The following DCC variants were observed in gnomAD, a reference collection of about 807,000 sequenced individuals.
The protein encoded by DCC is DCC netrin 1 receptor.
In DCC, 58 loss-of-function variants were observed where a neutral mutation model predicts 172.5. The ratio of observed to expected loss-of-function variants is 0.34; its 90% CI spans 0.27 to 0.42. The LOEUF is 0.42. Among genes scored for constraint, DCC ranks in the 10% least tolerant of loss-of-function variants. The pLI is 1.00. For missense variants in DCC, 1,740 were observed against 1,791.0 expected, an observed-to-expected ratio of 0.97 and a Z score of 0.51; for synonymous variants, 709 against 644.5, an observed-to-expected ratio of 1.10 and a Z score of -1.52.
rs138387467 is a variant in DCC at position 52,643,816 on chromosome 18, C to T, written c.92-108238C>T. Among the ~76,000 whole-genome samples the T allele has an allele frequency of 2.4e-4, 36 of 152,296 alleles. No individual in the cohort carries two copies. In the East Asian group the frequency reaches 6.6e-3, roughly 28 times the overall value. ...TGTAGGCAAAGAGGAGAAGAAGAAG[C>T]CCTCCTTGCCAGGATAAAATGACCA... On this transcript the variant is annotated intron_variant, in intron 1 of 28. Transcript: ENST00000442544.
intron 1 of DCC, among the ~76,000 whole-genome samples, chr18:52,575,366 C>G (rs559100552): frequency 3.2e-4 from 49 of 152,160 alleles, no homozygotes; most frequent in African/African-American, 1.2e-3. Flanking sequence ...GATAGAGGTG[C>G]GTTATACTCA....
chr18:52,415,401 A>G (rs1031670558), intron 1 of DCC, among the ~76,000 whole-genome samples: 3 of 152,342 alleles, frequency 2.0e-5, no homozygotes, highest in African/African-American at 7.2e-5. Context: ...CATGAAGTAC[A>G]AAAAGCCAAT....
chr18:52,855,247 T>C (rs1043362638), intron 2 of DCC, among the ~76,000 whole-genome samples: 2 of 152,206 alleles, frequency 1.3e-5, no homozygotes, highest in African/African-American at 4.8e-5. Flanking sequence ...TTTTCATTTC[T>C]ACTTAGAGCA....
intron 7 of DCC, among the ~76,000 whole-genome samples, chr18:53,153,532 C>T (rs111464480): frequency 6.6e-6 from 1 of 151,894 alleles, no homozygotes; most frequent in Non-Finnish European, 1.5e-5. Context: ...AAGTGGTCTC[C>T]GATAGAATTT....
At chr18:53,411,786 A>G in intron 20 of DCC, among the ~76,000 whole-genome samples, 1 of 152,184 alleles carries the variant, frequency 6.6e-6, no homozygotes, top group Non-Finnish European at 1.5e-5. Context: ...AGTAGGATAG[A>G]AATGAGTTCA....
At chr18:52,597,546 C>G (rs2033934012) in intron 1 of DCC, among the ~76,000 whole-genome samples, 1 of 152,100 alleles carries the variant, frequency 6.6e-6, no homozygotes, top group South Asian at 2.1e-4. Context: ...TTTTAGCTGC[C>G]AAAACTGGTC....
At chr18:52,980,711 C>T (rs2041196152) in intron 5 of DCC, among the ~76,000 whole-genome samples, 3 of 152,018 alleles carry the variant, frequency 2.0e-5, no homozygotes, top group Admixed American at 2.0e-4. Context: ...AATAAATGCT[C>T]ACTCTGTCAA....
At chr18:53,451,772 G>T (rs1356326022) in intron 23 of DCC, among the ~76,000 whole-genome samples, 1 of 151,216 alleles carries the variant, frequency 6.6e-6, no homozygotes, top group African/African-American at 2.4e-5. Context: ...TTTAAGTCCT[G>T]TAACTCTATT....
At chr18:52,740,119 ATGAATAAGTTGCACATATAGAC>A (rs2036796113) in intron 1 of DCC, among the ~76,000 whole-genome samples, 2 of 152,190 alleles carry the variant, frequency 1.3e-5, no homozygotes, top group African/African-American at 4.8e-5. Flanking sequence ...ACATTAGACC[ATGAATAAGTTGCACATATAGAC>A]GCCAGAAATT....
intron 2 of DCC, among the ~76,000 whole-genome samples, chr18:52,886,489 C>A (rs993869631): frequency 6.6e-6 from 1 of 152,194 alleles, no homozygotes; most frequent in Admixed American, 6.5e-5. Context: ...CTGTCTGTCC[C>A]ACAATTGCAC....
chr18:52,418,858 C>CTTTTTTTTTT (rs11313758), intron 1 of DCC, among the ~76,000 whole-genome samples: 2 of 93,008 alleles, frequency 2.2e-5, no homozygotes, highest in Non-Finnish European at 4.1e-5. Context: ...TTCTTTCTTT[C>CTTTTTTTTTT]TTTTTTTTTT....
At chr18:52,504,872 G>T (rs939614045) in intron 1 of DCC, among the ~76,000 whole-genome samples, 1 of 152,002 alleles carries the variant, frequency 6.6e-6, no homozygotes, top group African/African-American at 2.4e-5. Flanking sequence ...CGACAATTCT[G>T]GTTTTGGAAA....
At chr18:53,342,907 T>C (rs1167277880) in intron 15 of DCC, among the ~76,000 whole-genome samples, 16 of 125,090 alleles carry the variant, frequency 1.3e-4, no homozygotes, top group Admixed American at 1.3e-3. Flanking sequence ...GTTTTTAAAA[T>C]TTATTTTAAA....
At chr18:52,485,161 A>G (rs536748635) in intron 1 of DCC, among the ~76,000 whole-genome samples, 1 of 152,204 alleles carries the variant, frequency 6.6e-6, no homozygotes, top group East Asian at 1.9e-4. Flanking sequence ...TAGTTCTCGA[A>G]CTGGACTGTG....
At chr18:52,701,312 G>T (rs1022813197) in intron 1 of DCC, among the ~76,000 whole-genome samples, 1 of 152,066 alleles carries the variant, frequency 6.6e-6, no homozygotes, top group Admixed American at 6.6e-5. Flanking sequence ...TAACTTCTTG[G>T]AACATGTTTG....
chr18:52,351,004 A>G (rs1192329184), intron 1 of DCC, among the ~76,000 whole-genome samples: 1 of 152,206 alleles, frequency 6.6e-6, no homozygotes, highest in Non-Finnish European at 1.5e-5. Context: ...ACAAACCCAC[A>G]ATTCCAAATG....
rs144210400 is a variant in DCC, at chr18:52,680,783, T to G, written c.92-71271T>G. Reference sequence around the variant, plus strand: ...AGTTTATATTCCCTGTCTTAGATGTTGTTAAAGGAAAAAATCTCTTCTTAC... The same window carrying G: ...AGTTTATATTCCCTGTCTTAGATGTGGTTAAAGGAAAAAATCTCTTCTTAC... On this transcript the variant is annotated intron_variant, in intron 1 of 28. Transcript: ENST00000442544. Among the ~76,000 whole-genome samples, 825 of 152,232 alleles carry G rather than the reference T, an allele frequency of 5.4e-3. 9 individuals are homozygous for G. Among genetic ancestry groups the G allele is most frequent in the African/African-American group, 0.019 (777 of 41,560 alleles).
intron 5 of DCC, among the ~76,000 whole-genome samples, chr18:53,059,967 C>T (rs2042470414): frequency 6.6e-6 from 1 of 151,974 alleles, no homozygotes; most frequent in South Asian, 2.1e-4. Flanking sequence ...GATAACACTG[C>T]CTAATAGACA....
At chr18:52,871,555 C>G (rs1362369884) in intron 2 of DCC, among the ~76,000 whole-genome samples, 1 of 152,132 alleles carries the variant, frequency 6.6e-6, no homozygotes, top group Non-Finnish European at 1.5e-5. Flanking sequence ...CCTTGAATTC[C>G]TAGGCTCAAG....
Sources: allele counts gnomAD v4.1 joint callset (sites outside exome capture counted in the v4.1 genomes callset), GRCh38; gene constraint gnomAD v4.1.1; transcripts MANE v1.5; gene names NCBI Gene and HGNC (gene_info 2026-07-23, HGNC 2026-07-21).